Variants in ALK observed in about 807,000 individuals in gnomAD.
The protein encoded by ALK is ALK tyrosine kinase receptor.
Under a neutral mutation model 163.1 loss-of-function variants are expected in ALK, and 74 were observed. The observed-to-expected ratio is 0.45, with a 90% confidence interval of 0.38 to 0.55. The LOEUF (loss-of-function observed/expected upper bound fraction) is 0.55, where lower values mean the gene tolerates loss of function less well. Among genes scored for constraint, ALK ranks in the 20% least tolerant of loss-of-function variants. The pLI, the probability that ALK is intolerant of heterozygous loss-of-function variation, is 0.00. For synonymous variants in ALK, 960 were observed against 843.2 expected (o/e 1.14, Z -2.40); for missense variants, 2,063 against 2,105.3 (o/e 0.98, Z 0.39).
intron 4 of ALK, among the ~76,000 whole-genome samples, chr2:29,420,566 G>T (rs986427586): frequency 1.3e-5 from 2 of 151,418 alleles, no homozygotes; most frequent in Non-Finnish European, 2.9e-5. Flanking sequence ...TTCAAAGGAG[G>T]GAAAAATCCT....
intron 3 of ALK, among the ~76,000 whole-genome samples, chr2:29,582,162 T>G (rs1674718108): frequency 6.6e-6 from 1 of 152,188 alleles, no homozygotes; most frequent in Non-Finnish European, 1.5e-5. Context: ...TAGAGCCACT[T>G]CTGGAGGGAA....
At chr2:29,570,859 A>C (rs1351960156) in intron 3 of ALK, among the ~76,000 whole-genome samples, 1 of 152,202 alleles carries the variant, frequency 6.6e-6, no homozygotes, top group Non-Finnish European at 1.5e-5. Context: ...GTTTCTGAGA[A>C]AGGAATTAGA....
intron 2 of ALK, among the ~76,000 whole-genome samples, chr2:29,715,474 G>C (rs1679221440): frequency 6.6e-6 from 1 of 152,198 alleles, no homozygotes; most frequent in East Asian, 1.9e-4. Context: ...GGAGGATGAA[G>C]CTCAGGGAGC....
intron 5 of ALK, among the ~76,000 whole-genome samples, chr2:29,334,838 C>G (rs1392798170): frequency 6.6e-6 from 1 of 152,204 alleles, no homozygotes; most frequent in Non-Finnish European, 1.5e-5. Flanking sequence ...CTACTGCCAG[C>G]CCAAGCCCCA....
intron 2 of ALK, among the ~76,000 whole-genome samples, chr2:29,697,978 T>C (rs922079182): frequency 3.3e-5 from 5 of 152,158 alleles, no homozygotes; most frequent in Admixed American, 6.5e-5. Context: ...AACTATTCAA[T>C]TGTAGGAGAA....
chr2:29,273,613 T>C (rs1665451994), intron 11 of ALK, among the ~76,000 whole-genome samples: 1 of 152,116 alleles, frequency 6.6e-6, no homozygotes, highest in African/African-American at 2.4e-5. Context: ...TGCTGACACC[T>C]GAGATCCAAG....
At chr2:29,822,611 C>G (rs909221120) in intron 1 of ALK, among the ~76,000 whole-genome samples, 2 of 152,194 alleles carry the variant, frequency 1.3e-5, no homozygotes, top group African/African-American at 4.8e-5. Flanking sequence ...GGCCCTTGGC[C>G]TCTCTGAGCC....
intron 2 of ALK, 124 bp downstream of exon 2, chr2:29,717,454 T>A: frequency 8.3e-7 from 1 of 1,208,426 alleles, no homozygotes; most frequent in East Asian, 2.4e-5. Flanking sequence ...CAGAAAGACT[T>A]CTTTTGCATA....
At chr2:29,476,606 C>T (rs1423144650) in intron 4 of ALK, among the ~76,000 whole-genome samples, 3 of 151,826 alleles carry the variant, frequency 2.0e-5, no homozygotes, top group East Asian at 1.9e-4. Context: ...AGTGAGTAGC[C>T]CTGAGACCCG....
intron 9 of ALK, among the ~76,000 whole-genome samples, chr2:29,287,689 A>G (rs1665897380): frequency 6.6e-6 from 1 of 151,970 alleles, no homozygotes; most frequent in Non-Finnish European, 1.5e-5. Flanking sequence ...ATTCATAAAA[A>G]TCTTCCTGTT....
intron 23 of ALK, among the ~76,000 whole-genome samples, chr2:29,215,633 G>A (rs1188191463): frequency 6.6e-6 from 1 of 152,192 alleles, no homozygotes; most frequent in Non-Finnish European, 1.5e-5. Flanking sequence ...GGTTGGGAGA[G>A]GCATCCTCCC....
At chr2:29,664,786 A>T (rs1217797416) in intron 3 of ALK, among the ~76,000 whole-genome samples, 1 of 151,974 alleles carries the variant, frequency 6.6e-6, no homozygotes, top group Non-Finnish European at 1.5e-5. Flanking sequence ...GCATGGTGCT[A>T]TGTTCTATAT....
At chr2:29,866,727 T>C (rs1487237480) in intron 1 of ALK, among the ~76,000 whole-genome samples, 2 of 152,152 alleles carry the variant, frequency 1.3e-5, no homozygotes, top group Non-Finnish European at 2.9e-5. Context: ...TTAAAGGGGT[T>C]GAGAGATACT....
chr2:29,506,892 G>T lies in ALK; in HGVS notation c.1154+25023C>A, dbSNP rs146249424. Among the ~76,000 whole-genome samples, 973 of 152,346 alleles carry T rather than the reference G, an allele frequency of 6.4e-3. 8 individuals are homozygous for T. The highest frequency in any genetic ancestry group is 0.041 in the Middle Eastern group (12 of 294). ...AAGAGGTGAAAATATCAGTGAGGAT[G>T]TAGAGACATTGGAATCCTTGTGCAC... On this transcript the variant is annotated intron_variant, in intron 4 of 28. Coordinates refer to ENST00000389048, the MANE Select transcript of ALK (RefSeq NM_004304.5).
At chr2:29,700,896 G>A (rs1678713556) in intron 2 of ALK, among the ~76,000 whole-genome samples, 1 of 152,176 alleles carries the variant, frequency 6.6e-6, no homozygotes, top group African/African-American at 2.4e-5. Context: ...TGAACACTCT[G>A]AACCTGAGGG....
intron 8 of ALK, among the ~76,000 whole-genome samples, chr2:29,313,929 T>C (rs1188610766): frequency 6.6e-6 from 1 of 152,164 alleles, no homozygotes; most frequent in Non-Finnish European, 1.5e-5. Flanking sequence ...CTGAGTTTAA[T>C]AAACTTTAAA....
chr2:29,336,578 C>G (rs965625665), intron 5 of ALK, among the ~76,000 whole-genome samples: 1 of 152,224 alleles, frequency 6.6e-6, no homozygotes, highest in Non-Finnish European at 1.5e-5. Context: ...CTGTTCTACA[C>G]CACAGGTGAT....
chr2:29,866,108 G>A (rs557369982), intron 1 of ALK, among the ~76,000 whole-genome samples: 2 of 152,144 alleles, frequency 1.3e-5, no homozygotes, highest in South Asian at 2.1e-4. Flanking sequence ...CTCTACAGGG[G>A]AGAGAAAGAC....
intron 4 of ALK, among the ~76,000 whole-genome samples, chr2:29,400,787 C>G (rs1416321050): frequency 6.6e-6 from 1 of 152,008 alleles, no homozygotes; most frequent in African/African-American, 2.4e-5. Context: ...CCAGCCTGAC[C>G]AACATGGAGA....
Sources: allele counts gnomAD v4.1 joint callset (sites outside exome capture counted in the v4.1 genomes callset), GRCh38; gene constraint gnomAD v4.1.1; transcripts MANE v1.5; gene names NCBI Gene and HGNC (gene_info 2026-07-23, HGNC 2026-07-21).